Variants in CALN1 observed in about 807,000 individuals in gnomAD.
CALN1 encodes the protein calcium-binding protein 8.
CALN1 carries 17 observed loss-of-function variants against 30.6 expected under a neutral mutation model. That is an observed-to-expected ratio of 0.56 (90% CI 0.38 to 0.83). The LOEUF (loss-of-function observed/expected upper bound fraction) is 0.83, where lower values mean the gene tolerates loss of function less well. CALN1 is among the 40% of genes least tolerant of loss of function. The probability of loss-of-function intolerance (pLI) is 0.00; values close to 1 mark genes in which losing one functional copy is unlikely to be tolerated. For missense variants in CALN1, 291 were observed against 354.9 expected, an observed-to-expected ratio of 0.82 and a Z score of 1.45; for synonymous variants, 156 against 131.4, an observed-to-expected ratio of 1.19 and a Z score of -1.28.
At chr7:72,296,933 T>A (rs547519391) in intron 2 of CALN1, among the ~76,000 whole-genome samples, 1 of 152,200 alleles carries the variant, frequency 6.6e-6, no homozygotes, top group South Asian at 2.1e-4. Flanking sequence ...CTTTTCTAGT[T>A]CTTTTAATTG....
intron 2 of CALN1, among the ~76,000 whole-genome samples, chr7:72,381,460 G>A (rs961832119): frequency 1.3e-5 from 2 of 152,160 alleles, no homozygotes; most frequent in Non-Finnish European, 2.9e-5. Context: ...TGGTAGACTG[G>A]ATAAAGAAAA....
chr7:72,291,139 G>A (rs1798450623), intron 2 of CALN1, among the ~76,000 whole-genome samples: 1 of 152,052 alleles, frequency 6.6e-6, no homozygotes, highest in South Asian at 2.1e-4. Flanking sequence ...GGCCAGGCTG[G>A]TTTCGAACTC....
At chr7:71,860,437 C>T (rs1054718840) in intron 5 of CALN1, among the ~76,000 whole-genome samples, 12 of 152,124 alleles carry the variant, frequency 7.9e-5, no homozygotes, top group African/African-American at 1.7e-4. Context: ...GTGATCCTCC[C>T]GCCTTGGCCT....
At chr7:72,161,590 C>T (rs1192707861) in intron 3 of CALN1, among the ~76,000 whole-genome samples, 1 of 151,986 alleles carries the variant, frequency 6.6e-6, no homozygotes, top group Non-Finnish European at 1.5e-5. Flanking sequence ...GGAAACAGAC[C>T]CTAAAATGTG....
intron 5 of CALN1, among the ~76,000 whole-genome samples, chr7:71,833,563 T>C (rs1789416648): frequency 8.1e-6 from 1 of 124,076 alleles, no homozygotes; most frequent in Admixed American, 8.8e-5. Context: ...AAATACAGGA[T>C]ATAACATGGT....
intron 5 of CALN1, among the ~76,000 whole-genome samples, chr7:71,860,238 G>A (rs1432641774): frequency 6.7e-6 from 1 of 150,036 alleles, no homozygotes; most frequent in Non-Finnish European, 1.5e-5. Context: ...TGTCACCCAG[G>A]TTGGAGTGCA....
At chr7:72,044,027 T>C (rs936218341) in intron 4 of CALN1, among the ~76,000 whole-genome samples, 2 of 151,228 alleles carry the variant, frequency 1.3e-5, no homozygotes, top group African/African-American at 2.4e-5. Flanking sequence ...CATAGGAAAG[T>C]CCCCCCACCC....
intron 1 of CALN1, among the ~76,000 whole-genome samples, chr7:72,432,952 A>G (rs1224456769): frequency 6.6e-6 from 1 of 152,204 alleles, no homozygotes; most frequent in Admixed American, 6.5e-5. Flanking sequence ...CAGCACATCA[A>G]GGAGAGGCGG....
chr7:72,058,375 T>C (rs1490761369), intron 4 of CALN1, among the ~76,000 whole-genome samples: 2 of 132,384 alleles, frequency 1.5e-5, no homozygotes, highest in African/African-American at 2.9e-5. Flanking sequence ...TGGAGTGCAG[T>C]GGCGCCATCT....
chr7:72,407,023 C>A (rs1210480436), intron 1 of CALN1, among the ~76,000 whole-genome samples: 1 of 152,190 alleles, frequency 6.6e-6, no homozygotes, highest in Non-Finnish European at 1.5e-5. Flanking sequence ...CAGTAGGAGG[C>A]ACTCTTATCC....
chr7:71,959,102 A>G (rs1307084192), intron 5 of CALN1, among the ~76,000 whole-genome samples: 3 of 152,358 alleles, frequency 2.0e-5, no homozygotes, highest in African/African-American at 7.2e-5. Context: ...AAAGGCTAGG[A>G]GAGAAAGCAA....
At chr7:72,052,310 C>T (rs185103379) in intron 4 of CALN1, among the ~76,000 whole-genome samples, 3 of 152,246 alleles carry the variant, frequency 2.0e-5, no homozygotes, top group African/African-American at 2.4e-5. Context: ...CCCGACAAGT[C>T]GCCTCCGGAG....
chr7:72,261,754 A>C lies in CALN1; in HGVS notation c.244+16932T>G, dbSNP rs955874183. Reference sequence around the variant, plus strand: ...ATTTTAGCAGCTTTACAGGAAAAAAACACCACCACCACATACTTTTTTCAC... The same window carrying C: ...ATTTTAGCAGCTTTACAGGAAAAAACCACCACCACCACATACTTTTTTCAC... On this transcript the variant is annotated intron_variant, in intron 3 of 6. Coordinates refer to ENST00000395275, the MANE Select transcript of CALN1 (RefSeq NM_031468.4). 7.2e-5 allele frequency among the ~76,000 whole-genome samples: 11 copies of C among 152,170 alleles called. No individual in the cohort carries two copies. The East Asian group carries it at 2.1e-3, about 29-fold the overall frequency.
chr7:72,098,785 C>G (rs1302292947), intron 4 of CALN1, among the ~76,000 whole-genome samples: 1 of 151,804 alleles, frequency 6.6e-6, no homozygotes. Flanking sequence ...CACACACACA[C>G]ACACACACAC....
rs79935454 is a variant in CALN1, at chr7:72,312,669, G to C, written c.120-33859C>G. On this transcript the variant is annotated intron_variant, in intron 2 of 6. Transcript: ENST00000395275. ...AGAAAGGACAAGTAAGTCAAAGAAA[G>C]AAGGACAATGGCATCATTGAAAAGG... Among the ~76,000 whole-genome samples, 91 of 152,176 alleles carry C rather than the reference G, an allele frequency of 6.0e-4. 1 individual carries two copies. In the East Asian group the frequency reaches 0.017, roughly 28 times the overall value.
At chr7:71,953,378 A>C (rs1376709338) in intron 5 of CALN1, among the ~76,000 whole-genome samples, 1 of 152,132 alleles carries the variant, frequency 6.6e-6, no homozygotes, top group East Asian at 1.9e-4. Context: ...GATGCGTATC[A>C]ACACACACTT....
intron 1 of CALN1, among the ~76,000 whole-genome samples, chr7:72,422,110 A>G (rs1438118666): frequency 1.3e-5 from 2 of 152,134 alleles, no homozygotes; most frequent in Non-Finnish European, 2.9e-5. Flanking sequence ...TGTCTTTTTC[A>G]TATAATGACT....
At chr7:72,126,463 A>G (rs1366417210) in intron 3 of CALN1, among the ~76,000 whole-genome samples, 1 of 152,068 alleles carries the variant, frequency 6.6e-6, no homozygotes, top group Non-Finnish European at 1.5e-5. Flanking sequence ...TTTCTCATAC[A>G]ATGACTTCTT....
At chr7:71,994,511 C>CA (rs367725464) in intron 5 of CALN1, among the ~76,000 whole-genome samples, 3,842 of 43,130 alleles carry the variant, frequency 0.089, 180 homozygotes, top group East Asian at 0.14. Flanking sequence ...GACTTCATCT[C>CA]AAAAAAAAAA....
Sources: gnomAD v4.1 joint callset for allele counts (sites outside exome capture counted in the v4.1 genomes callset) on GRCh38, gnomAD v4.1.1 for gene constraint, MANE v1.5 for transcripts, NCBI Gene and HGNC (gene_info 2026-07-23, HGNC 2026-07-21) for gene names.